SON: variants seen among roughly 807,000 people sequenced by gnomAD.
The protein encoded by SON is protein SON.
A neutral mutation model predicts 173.3 loss-of-function variants in SON; 4 were observed. The ratio of observed to expected loss-of-function variants is 0.02; its 90% CI spans 0.01 to 0.05. The LOEUF (loss-of-function observed/expected upper bound fraction) is 0.05. Ranked by LOEUF, SON falls within the 10% of genes least tolerant of loss-of-function variation. The pLI, the probability that SON is intolerant of heterozygous loss-of-function variation, is 1.00. For synonymous variants in SON, 1,190 were observed against 1,105.9 expected (o/e 1.08, Z -1.51); for missense variants, 2,626 against 3,055.3 (o/e 0.86, Z 3.31).
At position 33,566,667 on chromosome 21, in the gene SON, C is replaced by T. The variant is rs146093139; in HGVS notation, c.6658-490C>T. On this transcript the variant is annotated intron_variant, in intron 6 of 11. Transcript: ENST00000356577. ...CCACAACTGGAAGATGTTAAAGATA[C>T]GCTGATGAGTAAAGGAGTGATCATA... Among the ~76,000 whole-genome samples the T allele has an allele frequency of 1.2e-4, 18 of 152,132 alleles. No individual in the cohort carries two copies. The East Asian group carries it at 2.1e-3, about 18-fold the overall frequency.
chr21:33,555,456 AC>A, intron 3 of SON, 65 bp downstream of exon 3: 1 of 1,400,962 alleles, frequency 7.1e-7, no homozygotes, highest in Non-Finnish European at 9.5e-7. Flanking sequence ...TTTTTTTCTG[AC>A]CTTGAGTCAA....
At chr21:33,556,898 G>A (rs2085978162) in intron 3 of SON, among the ~76,000 whole-genome samples, 1 of 151,724 alleles carries the variant, frequency 6.6e-6, no homozygotes, top group Admixed American at 6.6e-5. Context: ...ATTCTAATGG[G>A]AAGCTCAATA....
rs2085760016 is a variant in SON at position 33,550,853 on chromosome 21, A to G, written c.1622A>G (p.Glu541Gly). ...TTATGLLGQP[E>G]ATMVLELPGQ... ...GCAACAGGGTTGCTGGGGCAGCCTG[A>G]GGCAACGATGGTGCTGGAGTTGCCA... is the stretch of plus-strand genomic sequence containing the variant. Residue 541 changes from glutamate (E) to glycine (G), a missense_variant, in exon 3 of 12, where the codon GAG (glutamate) becomes GGG (glycine). This residue lies in a region of SON where 757 missense variants were observed against 730.1 expected (regional missense o/e 1.04). Coordinates refer to ENST00000356577, the MANE Select transcript of SON (RefSeq NM_138927.4). 15 of 1,612,946 alleles carry G rather than the reference A, an allele frequency of 9.3e-6. No homozygotes were observed. The highest frequency in any genetic ancestry group is 1.2e-5 in the Non-Finnish European group (14 of 1,179,374).
At chr21:33,556,242 T>C (rs2085963810) in intron 3 of SON, among the ~76,000 whole-genome samples, 3 of 152,204 alleles carry the variant, frequency 2.0e-5, no homozygotes, top group Admixed American at 2.0e-4. Context: ...CCTCAAGTGA[T>C]TGCAAGTGGT....
At chr21:33,567,502 G>T in intron 7 of SON, 1 of 489,594 alleles carries the variant, frequency 2.0e-6, no homozygotes. Context: ...GAACAAAATA[G>T]AAAAATTTCC....
chr21:33,550,076 C>T lies in SON; in HGVS notation c.845C>T (p.Thr282Ile). The T allele has an allele frequency of 1.2e-6, 2 of 1,614,098 alleles. No individual in the cohort carries two copies. The highest frequency in any genetic ancestry group is 1.1e-5 in the South Asian group (1 of 91,088). Residue 282 changes from threonine to isoleucine, a missense_variant, in exon 3 of 12, where the codon ACA (threonine) becomes ATA (isoleucine). This residue lies in a region of SON where 757 missense variants were observed against 730.1 expected (regional missense o/e 1.04). Coordinates refer to ENST00000356577, the MANE Select transcript of SON (RefSeq NM_138927.4). ...MKSVLKSVES[T>I]SPEPSKIMLV... The stretch of plus-strand genomic sequence containing the variant: ...TCTGTGCTGAAATCTGTGGAGAGCA[C>T]ATCTCCAGAGCCATCAAAGATCATG...
chr21:33,547,934 A>G (rs1213754819), intron 2 of SON, among the ~76,000 whole-genome samples: 1 of 151,310 alleles, frequency 6.6e-6, no homozygotes, highest in Non-Finnish European at 1.5e-5. Flanking sequence ...CGTGTTAGCC[A>G]GGATGGTCTT....
At chr21:33,562,266 C>G (rs922558823) in intron 6 of SON, among the ~76,000 whole-genome samples, 1 of 152,110 alleles carries the variant, frequency 6.6e-6, no homozygotes, top group Non-Finnish European at 1.5e-5. Context: ...GGTAACACTT[C>G]GTGGGAGCAT....
intron 6 of SON, among the ~76,000 whole-genome samples, chr21:33,566,631 G>A (rs1001355527): frequency 1.3e-5 from 2 of 152,052 alleles, no homozygotes; most frequent in Admixed American, 1.3e-4. Flanking sequence ...GGGTTCTTAA[G>A]ACCAAAGTGT....
At chr21:33,560,668 CTTG>C (rs1244493247) in intron 6 of SON, 25 of 933,254 alleles carry the variant, frequency 2.7e-5, no homozygotes, top group African/African-American at 7.1e-5. Context: ...TTTTATTTAA[CTTG>C]TTGTGCAAAA....
chr21:33,574,544 A>G (rs549880404), intron 9 of SON, among the ~76,000 whole-genome samples: 2 of 152,340 alleles, frequency 1.3e-5, no homozygotes, highest in African/African-American at 4.8e-5. Flanking sequence ...AGCATCCCAC[A>G]TCTGGAAACC....
Position 33,567,074 on chromosome 21 carries a change from T to C in SON, c.6658-83T>C, listed in dbSNP as rs996832964. ...TAAGACTATTATTTTGTTTTTGATA[T>C]GTAGCAACTAAAGATATGAGTACTT... On this transcript the variant is annotated intron_variant, in intron 6 of 11. Coordinates refer to ENST00000356577, the MANE Select transcript of SON (RefSeq NM_138927.4). 28 of 695,752 alleles carry C rather than the reference T, an allele frequency of 4.0e-5. 1 individual carries two copies. Among genetic ancestry groups the C allele is most frequent in the African/African-American group, 2.0e-4 (11 of 56,302 alleles). The allele number at this position is 695,752 out of a possible 1,614,324, so 43.1% of individuals were successfully genotyped here. A position where few individuals can be genotyped will look rare whatever the true frequency, so the allele number is the denominator to read the frequency against.
rs144018038 is a variant in SON at position 33,575,845 on chromosome 21, A to T, written c.7173A>T (p.Leu2391=). ...GAAGGTGGCAACCACCTGAATTTCT[A>T]TTGGTCCATGATAGTGGCCCTGATC... ...NKRRWQPPEF[L]LVHDSGPDHR... The change falls in exon 11 of 12, where the codon CTA becomes CTT. Residue 2391 remains leucine (L), a synonymous_variant. Transcript: ENST00000356577. 2.5e-6 allele frequency: 4 copies of T among 1,611,826 alleles called. No homozygotes were observed. The highest frequency in any genetic ancestry group is 1.1e-5 in the South Asian group (1 of 91,038).
In SON at chr21:33,552,756, A is replaced by G. The variant is rs771267206; in HGVS notation, c.3525A>G (p.Glu1175=). 6 of 1,613,818 alleles carry G rather than the reference A, an allele frequency of 3.7e-6. No individual in the cohort carries two copies. The Admixed American group carries it at 1.0e-4, about 27-fold the overall frequency. ...TGACACCACCATTGCCTCCTGAGGA[A>G]CCACCAGAGGGTCCAGCATTGCCCA... is the stretch of plus-strand genomic sequence containing the variant. ...PPMTPPLPPE[E]PPEGPALPTE... Residue 1175 remains glutamate (E), a synonymous_variant, in exon 3 of 12, where the codon GAA becomes GAG. Coordinates refer to ENST00000356577, the MANE Select transcript of SON (RefSeq NM_138927.4). This position sits in a 1 kb window ranked among gnomAD's most constrained non-coding sequence, Gnocchi z 5.6.
rs1442808713 is a variant in SON at position 33,551,335 on chromosome 21, A to T, written c.2104A>T (p.Thr702Ser). 6.2e-7 allele frequency: 1 copy of T among 1,614,136 alleles called. No individual in the cohort carries two copies. Among genetic ancestry groups the T allele is most frequent in the Non-Finnish European group, 8.5e-7 (1 of 1,179,998 alleles). ...TACATTAGTGGGGGAGACTTCTGTA[A>T]CAGTAGGAGTGGATCCCTTGATGGC... ...PTTLVGETSV[T>S]VGVDPLMAPE... Residue 702 changes from threonine (T) to serine (S), a missense_variant, in exon 3 of 12, where the codon ACA (threonine) becomes TCA (serine). Physicochemically the swap from Thr to Ser is moderately conservative, Grantham distance 58. Around this residue, in one of 13 missense-constraint regions of SON, gnomAD observed 182 missense variants for 193.6 expected, o/e 0.94. Coordinates refer to ENST00000356577, the MANE Select transcript of SON (RefSeq NM_138927.4).
At chr21:33,545,602 G>A (rs2085595704) in intron 1 of SON, among the ~76,000 whole-genome samples, 1 of 152,202 alleles carries the variant, frequency 6.6e-6, no homozygotes, top group African/African-American at 2.4e-5. Context: ...TGGTATAAAT[G>A]CCACTTGTTT....
At chr21:33,563,308 A>G (rs1281496219) in intron 6 of SON, among the ~76,000 whole-genome samples, 1 of 152,178 alleles carries the variant, frequency 6.6e-6, no homozygotes, top group African/African-American at 2.4e-5. Flanking sequence ...AAAGATTCGT[A>G]ATTCACTTTT....
In SON at chr21:33,577,305, T is replaced by C. The variant is rs557506569; in HGVS notation, c.*881T>C. On this transcript the variant is annotated 3_prime_UTR_variant, in exon 12 of 12. Coordinates refer to ENST00000356577, the MANE Select transcript of SON (RefSeq NM_138927.4). ...TAATTAAAATGCTGTAACCAACTTATCTAATAAAATTGGCAACCAGCCACT... is the reference window on the plus strand; with the variant it reads ...TAATTAAAATGCTGTAACCAACTTACCTAATAAAATTGGCAACCAGCCACT... 3.3e-5 allele frequency: 5 copies of C among 152,770 alleles called. No individual in the cohort carries two copies. Among genetic ancestry groups the C allele is most frequent in the African/African-American group, 9.6e-5 (4 of 41,582 alleles). 9.5% of individuals were successfully genotyped at this position (152,770 alleles called of 1,614,324 possible).
At position 33,554,094 on chromosome 21, in the gene SON, T is replaced by G; in HGVS notation, c.4863T>G (p.Ser1621Arg). Residue 1621 changes from serine (S) to arginine (R), a missense_variant, in exon 3 of 12, where the codon AGT becomes AGG. Ser to Arg is a moderately radical substitution (Grantham distance 110). Around this residue, in one of 13 missense-constraint regions of SON, gnomAD observed 1,006 missense variants for 895.6 expected, o/e 1.12. Transcript: ENST00000356577. ...AATTTACCACAGCATCTACTCTCAG[T>G]TTAGTTAATAAATATGATGTTGATT... is the stretch of plus-strand genomic sequence containing the variant. ...GIEFTTASTL[S>R]LVNKYDVDLS... 6.2e-7 allele frequency: 1 copy of G among 1,614,004 alleles called. No individual in the cohort carries two copies. Among genetic ancestry groups the G allele is most frequent in the Non-Finnish European group, 8.5e-7 (1 of 1,179,890 alleles).
Sources: allele counts gnomAD v4.1 joint callset (sites outside exome capture counted in the v4.1 genomes callset), GRCh38; gene constraint gnomAD v4.1.1; regional missense constraint gnomAD v4.1.1; non-coding constraint Gnocchi (gnomAD v3.1); transcripts MANE v1.5; gene names NCBI Gene and HGNC (gene_info 2026-07-23, HGNC 2026-07-21).